The following CCDC192 variants were observed in gnomAD, a reference collection of about 807,000 sequenced individuals.
CCDC192 encodes the protein coiled-coil domain containing 192.
At chr5:127,848,267 A>G (rs962317381) in intron 5 of CCDC192, among the ~76,000 whole-genome samples, 2 of 152,144 alleles carry the variant, frequency 1.3e-5, no homozygotes, top group Non-Finnish European at 2.9e-5. Context: ...CTTTTTATTC[A>G]GAGGGTCATA....
intron 5 of CCDC192, among the ~76,000 whole-genome samples, chr5:127,835,016 A>G (rs1749971488): frequency 6.6e-6 from 1 of 152,226 alleles, no homozygotes; most frequent in Admixed American, 6.5e-5. Flanking sequence ...CAGCCAGTCT[A>G]TCAACTGTCT....
chr5:127,895,365 A>G (rs1214229632), intron 6 of CCDC192, among the ~76,000 whole-genome samples: 1 of 152,210 alleles, frequency 6.6e-6, no homozygotes, highest in Non-Finnish European at 1.5e-5. Context: ...AGAAAAGCCA[A>G]CGCCCAGAGA....
rs140092062 is a variant in CCDC192, at chr5:127,712,207, G to A, written c.114+4447G>A. On this transcript the variant is annotated intron_variant, in intron 2 of 6. Coordinates refer to ENST00000514853, the MANE Select transcript of CCDC192 (RefSeq NM_001317938.2). ...CATTTTTATTGCAGAATAGTTTCCC[G>A]TTGTATTGGAGGTACCAATCTGTTT... Among the ~76,000 whole-genome samples, 44 of 152,140 alleles carry A rather than the reference G, an allele frequency of 2.9e-4. No individual in the cohort carries two copies. The East Asian group carries it at 8.5e-3, about 29-fold the overall frequency.
intron 2 of CCDC192, among the ~76,000 whole-genome samples, chr5:127,735,465 A>T (rs1561454754): frequency 7.4e-6 from 1 of 134,242 alleles, no homozygotes; most frequent in East Asian, 2.1e-4. Context: ...TTCTTTGAAG[A>T]AAGTCATTGG....
intron 2 of CCDC192, among the ~76,000 whole-genome samples, chr5:127,736,390 C>CT (rs1311482283): frequency 1.3e-5 from 2 of 150,304 alleles, no homozygotes; most frequent in East Asian, 1.9e-4. Context: ...CTAAAATTCT[C>CT]TTTTTTTGTT....
At chr5:127,754,870 G>T (rs1754486873) in intron 3 of CCDC192, among the ~76,000 whole-genome samples, 1 of 152,184 alleles carries the variant, frequency 6.6e-6, no homozygotes, top group African/African-American at 2.4e-5. Flanking sequence ...AAGCAAAGCA[G>T]CAGGTGATAA....
At chr5:127,732,653 C>T (rs1012264053) in intron 2 of CCDC192, among the ~76,000 whole-genome samples, 2 of 152,148 alleles carry the variant, frequency 1.3e-5, no homozygotes, top group African/African-American at 4.8e-5. Context: ...CCATGGAGTA[C>T]TATGCAGTCA....
rs76035651 is a variant in CCDC192, at chr5:127,913,098, G to T, written c.536-28084G>T. Among the ~76,000 whole-genome samples the T allele has an allele frequency of 1.4e-3, 211 of 152,308 alleles. 3 individuals are homozygous for T. In the East Asian group the frequency reaches 0.034, roughly 25 times the overall value. On this transcript the variant is annotated intron_variant, in intron 6 of 6. Coordinates refer to ENST00000514853, the MANE Select transcript of CCDC192 (RefSeq NM_001317938.2). The stretch of plus-strand genomic sequence containing the variant: ...ATTCAAGGACAAGACAAATGGTTTT[G>T]GGGTCAAGCAGATATGAACTTAAGT...
chr5:127,927,174 C>A (rs1259475334), intron 6 of CCDC192, among the ~76,000 whole-genome samples: 2 of 151,804 alleles, frequency 1.3e-5, no homozygotes, highest in East Asian at 1.9e-4. Context: ...TTTCGGTTAC[C>A]AGAAGTAAAC....
intron 3 of CCDC192, among the ~76,000 whole-genome samples, chr5:127,778,380 T>G (rs1314928983): frequency 6.6e-6 from 1 of 152,198 alleles, no homozygotes; most frequent in Non-Finnish European, 1.5e-5. Flanking sequence ...CCATGTAGTA[T>G]TTTTCCTCTA....
At position 127,794,853 on chromosome 5, in the gene CCDC192, GAAA is replaced by G. The variant is rs1246407263; in HGVS notation, c.223-2245_223-2243del. Among the ~76,000 whole-genome samples the G allele has an allele frequency of 2.6e-5, 4 of 151,520 alleles. No homozygotes were observed. The East Asian group carries it at 5.8e-4, about 22-fold the overall frequency. On this transcript the variant is annotated intron_variant, in intron 3 of 6. Transcript: ENST00000514853. ...CCCAACTGAGAGAGATTATATTTGA[GAAA>G]AAAATAATTCCAGACATAGAGAGGA...
chr5:127,788,589 A>T (rs970961692), intron 3 of CCDC192, among the ~76,000 whole-genome samples: 2 of 152,090 alleles, frequency 1.3e-5, no homozygotes, highest in Non-Finnish European at 2.9e-5. Context: ...TGTCCTTTTT[A>T]TTCCTCAATT....
chr5:127,884,039 T>C (rs1752459582), intron 6 of CCDC192, among the ~76,000 whole-genome samples: 1 of 152,046 alleles, frequency 6.6e-6, no homozygotes, highest in Non-Finnish European at 1.5e-5. Context: ...ACATTTGTTG[T>C]TTCTACTCAG....
intron 2 of CCDC192, among the ~76,000 whole-genome samples, chr5:127,747,742 A>G (rs1170480979): frequency 1.3e-4 from 19 of 148,650 alleles, no homozygotes; most frequent in African/African-American, 4.7e-4. Context: ...AAGTGTTCCT[A>G]TTTCTCCACA....
At chr5:127,812,717 G>A (rs189648818) in intron 5 of CCDC192, among the ~76,000 whole-genome samples, 4 of 152,140 alleles carry the variant, frequency 2.6e-5, no homozygotes, top group Non-Finnish European at 4.4e-5. Context: ...GAATTAGTAC[G>A]GGGCGTTTCT....
chr5:127,755,221 T>G (rs1754507135), intron 3 of CCDC192, among the ~76,000 whole-genome samples: 1 of 152,112 alleles, frequency 6.6e-6, no homozygotes, highest in Admixed American at 6.6e-5. Context: ...AAAAGTATAT[T>G]TTAGATACAT....
intron 3 of CCDC192, chr5:127,786,973 G>A (rs554401829): frequency 1.0e-4 from 39 of 383,426 alleles, no homozygotes; most frequent in African/African-American, 8.2e-4. Flanking sequence ...GTGGCTCTGA[G>A]GTCATCCAGA....
At chr5:127,862,975 A>G (rs1751435542) in intron 5 of CCDC192, among the ~76,000 whole-genome samples, 1 of 151,688 alleles carries the variant, frequency 6.6e-6, no homozygotes, top group Non-Finnish European at 1.5e-5. Context: ...TGAGACACAA[A>G]AGGAAAGCTT....
At position 127,736,761 on chromosome 5, in the gene CCDC192, G is replaced by T. The variant is rs563665372; in HGVS notation, c.115-17507G>T. Among the ~76,000 whole-genome samples, 3 of 149,896 alleles carry T rather than the reference G, an allele frequency of 2.0e-5. No homozygotes were observed. The South Asian group carries it at 6.4e-4, about 32-fold the overall frequency. ...TCTGATGGTAGTTTGTATTTCTGTG[G>T]GATCGGTGGTGATATCCCCTTTATC... On this transcript the variant is annotated intron_variant, in intron 2 of 6. Transcript: ENST00000514853.
Sources: allele counts gnomAD v4.1 joint callset (sites outside exome capture counted in the v4.1 genomes callset), GRCh38; gene constraint gnomAD v4.1.1; transcripts MANE v1.5; gene names NCBI Gene and HGNC (gene_info 2026-07-23, HGNC 2026-07-21).